The following FRY variants were observed in gnomAD, a reference collection of about 807,000 sequenced individuals.
The protein encoded by FRY is protein furry homolog.
Under a neutral mutation model 348.4 loss-of-function variants are expected in FRY, and 128 were observed. That is an observed-to-expected ratio of 0.37 (90% CI 0.32 to 0.43). FRY has a LOEUF of 0.43. Ranked by LOEUF, FRY falls within the 20% of genes least tolerant of loss-of-function variation. The pLI is 1.00. For synonymous variants in FRY, 1,370 were observed against 1,374.7 expected, an observed-to-expected ratio of 1.00 and a Z score of 0.08; for missense variants, 2,736 against 3,695.2, an observed-to-expected ratio of 0.74 and a Z score of 6.73.
intron 55 of FRY, 111 bp downstream of exon 55, chr13:32,267,470 C>A: frequency 1.1e-6 from 1 of 896,016 alleles, no homozygotes; most frequent in Non-Finnish European, 1.8e-6. Context: ...ACTGTATTTT[C>A]TCCTCCAGAC....
At chr13:32,242,692 G>A (rs750072112) in intron 46 of FRY, among the ~76,000 whole-genome samples, 111 of 152,028 alleles carry the variant, frequency 7.3e-4, no homozygotes, top group African/African-American at 2.5e-3. Context: ...CCACCACTAC[G>A]CCCAGCTAAT....
At chr13:32,148,334 T>C (rs1374144579) in intron 13 of FRY, among the ~76,000 whole-genome samples, 1 of 152,174 alleles carries the variant, frequency 6.6e-6, no homozygotes, top group African/African-American at 2.4e-5. Flanking sequence ...GAGAACAATT[T>C]AGCAAAATTT....
In FRY at chr13:32,144,209, A is replaced by AC. The variant is rs1218299907; in HGVS notation, c.1180-3071dup. On this transcript the variant is annotated intron_variant, in intron 11 of 60. Transcript: ENST00000542859. ...CTGTTATATTAACAGGCAAAAAAAA[A>AC]CCAAAACAAACAAAAAAAAAAACTT... Among the ~76,000 whole-genome samples the AC allele has an allele frequency of 2.1e-3, 322 of 150,100 alleles. 2 individuals carry two copies. The highest frequency in any genetic ancestry group is 6.1e-3 in the African/African-American group (246 of 40,644).
At chr13:32,061,046 TG>T in intron 1 of FRY, 1 of 521,574 alleles carries the variant, frequency 1.9e-6, no homozygotes, top group South Asian at 1.4e-5. Flanking sequence ...GTTTTGGCTT[TG>T]GAACATGGTC....
At chr13:32,101,376 G>A (rs1286249715) in intron 2 of FRY, among the ~76,000 whole-genome samples, 1 of 152,062 alleles carries the variant, frequency 6.6e-6, no homozygotes, top group Non-Finnish European at 1.5e-5. Context: ...TCCACTGATG[G>A]ATACTTAGAC....
At chr13:32,103,901 G>A (rs399197) in intron 3 of FRY, among the ~76,000 whole-genome samples, 90,338 of 151,692 alleles carry the variant, frequency 0.6, 27,183 homozygotes, top group Middle Eastern at 0.66. Flanking sequence ...GGTGGAGGTT[G>A]CAATTGAGCC....
In FRY at chr13:32,239,125, T is replaced by C. The variant is rs775877886; in HGVS notation, c.6419-127T>C. On this transcript the variant is annotated intron_variant, in intron 44 of 60. Transcript: ENST00000542859. This position sits in a 1 kb window ranked among gnomAD's most constrained non-coding sequence, Gnocchi z 4.3. ...TTTTCATAGATTTTGTGTTAGATCATGTTTAAGCTGATTCAAAAAACTGCT... is the reference window on the plus strand; with the variant it reads ...TTTTCATAGATTTTGTGTTAGATCACGTTTAAGCTGATTCAAAAAACTGCT... 2.1e-5 allele frequency: 15 copies of C among 722,178 alleles called. No homozygotes were observed. Among genetic ancestry groups the C allele is most frequent in the Non-Finnish European group, 3.5e-5 (14 of 394,938 alleles). The allele number at this position is 722,178 out of a possible 1,614,324, so 44.7% of individuals were successfully genotyped here.
intron 39 of FRY, among the ~76,000 whole-genome samples, chr13:32,226,707 T>C (rs1330089781): frequency 3.3e-5 from 5 of 152,230 alleles, no homozygotes; most frequent in Non-Finnish European, 7.3e-5. Flanking sequence ...GGTGCGACAT[T>C]TCACATGTCA....
At chr13:32,189,983 G>A (rs1883243022) in intron 28 of FRY, among the ~76,000 whole-genome samples, 1 of 151,944 alleles carries the variant, frequency 6.6e-6, no homozygotes, top group African/African-American at 2.4e-5. Context: ...TTGAAGAACT[G>A]TAAGGTTGGT....
At chr13:32,103,099 G>T (rs1306893433) in intron 3 of FRY, among the ~76,000 whole-genome samples, 1 of 152,182 alleles carries the variant, frequency 6.6e-6, no homozygotes, top group African/African-American at 2.4e-5. Flanking sequence ...TTCTGTGAAG[G>T]AGACCTCACA....
Position 32,186,389 on chromosome 13 carries a change from A to G in FRY, c.3449A>G (p.Gln1150Arg). 1 of 1,608,828 alleles carries G rather than the reference A, an allele frequency of 6.2e-7. No individual in the cohort carries two copies. Among genetic ancestry groups the G allele is most frequent in the Non-Finnish European group, 8.5e-7 (1 of 1,175,120 alleles). Residue 1150 changes from glutamine (Q) to arginine (R), a missense_variant, in exon 27 of 61, where the codon CAG becomes CGG. Coordinates refer to ENST00000542859, the MANE Select transcript of FRY (RefSeq NM_023037.3). Reference sequence around the variant, plus strand: ...GATCGTTACAGTGACAGAAATCATCAGATTACAAGATATCAGTATTGTGCA... The same window carrying G: ...GATCGTTACAGTGACAGAAATCATCGGATTACAAGATATCAGTATTGTGCA... The part of the protein sequence containing the change: ...PLDRYSDRNH[Q>R]ITRYQYCALK...
intron 2 of FRY, among the ~76,000 whole-genome samples, chr13:32,099,041 A>G (rs1163514956): frequency 6.6e-6 from 1 of 151,918 alleles, no homozygotes; most frequent in Admixed American, 6.6e-5. Context: ...TATATGCCTT[A>G]GGTAAGATCA....
intron 58 of FRY, among the ~76,000 whole-genome samples, chr13:32,287,144 G>A (rs1411907391): frequency 2.0e-5 from 3 of 148,976 alleles, no homozygotes; most frequent in Admixed American, 6.7e-5. Context: ...CAGCCTGGGC[G>A]ACAGAGTGAG....
chr13:32,137,463 AGAGAGCACTTCTTT>A (rs1177980190), intron 11 of FRY, among the ~76,000 whole-genome samples: 1 of 152,252 alleles, frequency 6.6e-6, no homozygotes, highest in African/African-American at 2.4e-5. Context: ...ACCTAGCAAC[AGAGAGCACTTCTTT>A]CTTGTCACTG....
chr13:32,057,612 T>C (rs995871038), intron 1 of FRY, among the ~76,000 whole-genome samples: 10 of 152,280 alleles, frequency 6.6e-5, no homozygotes, highest in African/African-American at 2.2e-4. Flanking sequence ...TCCTTGCAGA[T>C]TCTAAGCCCG....
Position 32,244,213 on chromosome 13 carries a change from C to G in FRY, c.6828+31C>G, listed in dbSNP as rs73444617. On this transcript the variant is annotated intron_variant, in intron 47 of 60. Coordinates refer to ENST00000542859, the MANE Select transcript of FRY (RefSeq NM_023037.3). ...TACTTGGATAACTTCACTAAGCAAC[C>G]AGTCGTTCTAAAAAGATGGAGGCTT... 3,958 of 1,602,598 alleles carry G rather than the reference C, an allele frequency of 2.5e-3. 50 individuals are homozygous for G. In the African/African-American group the frequency reaches 0.042, roughly 17 times the overall value.
At chr13:32,235,820 A>T (rs984845488) in intron 42 of FRY, among the ~76,000 whole-genome samples, 1 of 152,146 alleles carries the variant, frequency 6.6e-6, no homozygotes, top group African/African-American at 2.4e-5. Flanking sequence ...GCAGAGGGTC[A>T]TGCTTACCCC....
At chr13:32,143,664 A>T (rs1160826131) in intron 11 of FRY, among the ~76,000 whole-genome samples, 1 of 152,250 alleles carries the variant, frequency 6.6e-6, no homozygotes, top group Non-Finnish European at 1.5e-5. Flanking sequence ...ATGATATGCT[A>T]TGCAAATATA....
intron 22 of FRY, among the ~76,000 whole-genome samples, chr13:32,179,243 T>C (rs1453771943): frequency 1.7e-4 from 26 of 152,128 alleles, no homozygotes; most frequent in Admixed American, 1.5e-3. Context: ...TAAAGAAAAG[T>C]TGAGAAACCT....
Sources: allele counts gnomAD v4.1 joint callset (sites outside exome capture counted in the v4.1 genomes callset), GRCh38; gene constraint gnomAD v4.1.1; non-coding constraint Gnocchi (gnomAD v3.1); transcripts MANE v1.5; gene names NCBI Gene and HGNC (gene_info 2026-07-23, HGNC 2026-07-21).